The following CD248 variants were observed in gnomAD, a reference collection of about 807,000 sequenced individuals.
The protein encoded by CD248 is endosialin.
A neutral mutation model predicts 8.0 loss-of-function variants in CD248; 7 were observed. The ratio of observed to expected loss-of-function variants is 0.88; its 90% CI spans 0.50 to 1.64. CD248 has a LOEUF of 1.64. Among genes scored for constraint, CD248 ranks in the 40% most tolerant of loss-of-function variants. The pLI is 0.00. For missense variants in CD248, 912 were observed against 1,027.2 expected, an observed-to-expected ratio of 0.89 and a Z score of 1.53; for synonymous variants, 418 against 437.1, an observed-to-expected ratio of 0.96 and a Z score of 0.54.
Position 66,316,200 on chromosome 11 carries a change from G to A in CD248, c.828C>T (p.Ala276=), listed in dbSNP as rs909839173. 8 of 1,612,692 alleles carry A rather than the reference G, an allele frequency of 5.0e-6. No individual in the cohort carries two copies. Among genetic ancestry groups the A allele is most frequent in the African/African-American group, 1.3e-5 (1 of 74,938 alleles). The change falls in exon 1 of 1, where the codon GCC becomes GCT. Residue 276 remains alanine (A), a synonymous_variant. Coordinates refer to ENST00000311330, the MANE Select transcript of CD248 (RefSeq NM_020404.3). ...ADGRSCEDPC[A]QAPCEQQCEP... Reference sequence around the variant, plus strand: ...CACACTGCTGCTCGCACGGAGCCTGGGCACAGGGGTCCTCGCAACTGCGCC... The same window carrying A: ...CACACTGCTGCTCGCACGGAGCCTGAGCACAGGGGTCCTCGCAACTGCGCC...
Position 66,316,527 on chromosome 11 carries a change from C to T in CD248, c.501G>A (p.Leu167=). ...GGCCGGCCTGGCCCGCCTCATCTTG[C>T]AGCGCCGGGCAGGCGCCCTCGAAGC... The part of the protein sequence containing the change: ...QFGFEGACPA[L]QDEAGQAGPA... Residue 167 remains leucine, a synonymous_variant, in exon 1 of 1, where the codon CTG becomes CTA. Transcript: ENST00000311330. 6.3e-7 allele frequency: 1 copy of T among 1,598,796 alleles called. No individual in the cohort carries two copies.
chr11:66,316,417 T>C lies in CD248; in HGVS notation c.611A>G (p.Gln204Arg), dbSNP rs1177982397. The change falls in exon 1 of 1, where the codon CAG becomes CGG. Residue 204 changes from glutamine to arginine, a missense_variant. Around this residue, in one of 3 missense-constraint regions of CD248, gnomAD observed 403 missense variants for 446.2 expected, o/e 0.90. Coordinates refer to ENST00000311330, the MANE Select transcript of CD248 (RefSeq NM_020404.3). ...GAGCAGAGAGGCTCCCCTGCCAGCC[T>C]GGCACTGCACAGCGGCCACAGAGCC... ...PFGSVAAVQC[Q>R]AGRGASLLCV... 2.5e-6 allele frequency: 4 copies of C among 1,606,012 alleles called. No homozygotes were observed. The highest frequency in any genetic ancestry group is 1.7e-5 in the Admixed American group (1 of 59,998).
chr11:66,314,738 G>A lies in CD248; in HGVS notation c.*16C>T, dbSNP rs542258863. 6.5e-7 allele frequency: 1 copy of A among 1,535,594 alleles called. No homozygotes were observed. The highest frequency in any genetic ancestry group is 2.5e-5 in the East Asian group (1 of 40,806). On this transcript the variant is annotated 3_prime_UTR_variant, in exon 1 of 1. Coordinates refer to ENST00000311330, the MANE Select transcript of CD248 (RefSeq NM_020404.3). This position sits in a 1 kb window ranked among gnomAD's most constrained non-coding sequence, Gnocchi z 4.0. Reference sequence around the variant, plus strand: ...TGTCCAGCGCCCCATACTCCATGAGGGGGGTCTGCACCCCATCACACGCTG... The same window carrying A: ...TGTCCAGCGCCCCATACTCCATGAGAGGGGTCTGCACCCCATCACACGCTG...
Position 66,314,570 on chromosome 11 carries a change from G to T in CD248, c.*184C>A. On this transcript the variant is annotated 3_prime_UTR_variant, in exon 1 of 1. Coordinates refer to ENST00000311330, the MANE Select transcript of CD248 (RefSeq NM_020404.3). The surrounding 1 kb of genome is among the most constrained non-coding windows in gnomAD (Gnocchi z 4.0). ...GTCTTAAGGGCTTTGGTGTATCCTT[G>T]GTCACGAGCGCTGGGCCAGGAAGCA... The T allele has an allele frequency of 1.7e-6, 1 of 593,650 alleles. No homozygotes were observed. Among genetic ancestry groups the T allele is most frequent in the Non-Finnish European group, 3.0e-6 (1 of 336,286 alleles). The allele number at this position is 593,650 out of a possible 1,614,324, so 36.8% of individuals were successfully genotyped here. A position where few individuals can be genotyped will look rare whatever the true frequency, so the allele number is the denominator to read the frequency against.
At position 66,314,759 on chromosome 11, in the gene CD248, C is replaced by T. The variant is rs750296065; in HGVS notation, c.2269G>A (p.Val757Met). The change falls in exon 1 of 1, where the codon GTG (valine) becomes ATG (methionine). Residue 757 changes from valine to methionine, a missense_variant. By Grantham distance (21) the Val-to-Met change is conservative. Transcript: ENST00000311330. This position sits in a 1 kb window ranked among gnomAD's most constrained non-coding sequence, Gnocchi z 4.0. ...LTGVQTCRTS[V>M] Reference sequence around the variant, plus strand: ...TGAGGGGGGTCTGCACCCCATCACACGCTGGTTCTGCAGGTCTGCACCCCT... The same window carrying T: ...TGAGGGGGGTCTGCACCCCATCACATGCTGGTTCTGCAGGTCTGCACCCCT... 1.6e-5 allele frequency: 25 copies of T among 1,549,196 alleles called. No individual in the cohort carries two copies. Among genetic ancestry groups the T allele is most frequent in the Admixed American group, 5.9e-5 (3 of 51,004 alleles).
At position 66,316,747 on chromosome 11, in the gene CD248, C is replaced by T. The variant is rs199828803; in HGVS notation, c.281G>A (p.Cys94Tyr). The T allele has an allele frequency of 2.2e-4, 353 of 1,601,460 alleles. 1 individual carries two copies. In the Middle Eastern group the frequency reaches 3.0e-3, roughly 14 times the overall value. The change falls in exon 1 of 1, where the codon TGC becomes TAC. Residue 94 changes from cysteine (C) to tyrosine (Y), a missense_variant. Cys to Tyr is a radical substitution (Grantham distance 194). Coordinates refer to ENST00000311330, the MANE Select transcript of CD248 (RefSeq NM_020404.3). ...GCCGCGCAGTGGGCGCTGCAGCTGG[C>T]ATTGCCGGGCCTGCCGCTGCAGCCC... ...WIGLQRQARQ[C>Y]QLQRPLRGFT...
Position 66,315,515 on chromosome 11 carries a change from G to A in CD248, c.1513C>T (p.His505Tyr), listed in dbSNP as rs780148697. ...AYQPGILSVS[H>Y]SAQPPAHQPP... ...TGGTGGGCAGGAGGCTGTGCTGAAT[G>A]AGAGACAGAGAGAATACCGGGTTGG... Residue 505 changes from histidine to tyrosine, a missense_variant, in exon 1 of 1, where the codon CAT (histidine) becomes TAT (tyrosine). Around this residue, in one of 3 missense-constraint regions of CD248, gnomAD observed 507 missense variants for 562.2 expected, o/e 0.90. Coordinates refer to ENST00000311330, the MANE Select transcript of CD248 (RefSeq NM_020404.3). The surrounding 1 kb of genome is among the most constrained non-coding windows in gnomAD (Gnocchi z 4.3). 1 of 1,614,096 alleles carries A rather than the reference G, an allele frequency of 6.2e-7. No homozygotes were observed. Among genetic ancestry groups the A allele is most frequent in the South Asian group, 1.1e-5 (1 of 91,074 alleles).
In CD248 at chr11:66,316,844, G is replaced by A; in HGVS notation, c.184C>T (p.Arg62Trp). Residue 62 changes from arginine (R) to tryptophan (W), a missense_variant, in exon 1 of 1, where the codon CGG (arginine) becomes TGG (tryptophan). By Grantham distance (101) the Arg-to-Trp change is moderately radical (BLOSUM62 -3). Transcript: ENST00000311330. The stretch of plus-strand genomic sequence containing the variant: ...ACACGCTGGGCCTCCTCGGGGGTCC[G>A]AGGAGTGGCCAGGTCGCCCCCCAGC... ...RELGGDLATP[R>W]TPEEAQRVDS... The A allele has an allele frequency of 3.2e-6, 5 of 1,559,614 alleles. No homozygotes were observed. The highest frequency in any genetic ancestry group is 4.3e-6 in the Non-Finnish European group (5 of 1,159,870).
At position 66,316,175 on chromosome 11, in the gene CD248, C is replaced by T; in HGVS notation, c.853G>A (p.Glu285Lys). ...CAQAPCEQQCEPGGPQGYSCH... is the reference protein window; with the variant it reads ...CAQAPCEQQCKPGGPQGYSCH... ...CTGTAGCCTTGTGGCCCACCGGGCT[C>T]ACACTGCTGCTCGCACGGAGCCTGG... The change falls in exon 1 of 1, where the codon GAG (glutamate) becomes AAG (lysine). Residue 285 changes from glutamate (E) to lysine (K), a missense_variant. Physicochemically the swap from Glu to Lys is moderately conservative, Grantham distance 56. Transcript: ENST00000311330. The T allele has an allele frequency of 6.2e-7, 1 of 1,612,516 alleles. No homozygotes were observed. The highest frequency in any genetic ancestry group is 8.5e-7 in the Non-Finnish European group (1 of 1,179,982).
In CD248 at chr11:66,315,520, A is replaced by G. The variant is rs1854535492; in HGVS notation, c.1508T>C (p.Val503Ala). Residue 503 changes from valine (V) to alanine (A), a missense_variant, in exon 1 of 1, where the codon GTC (valine) becomes GCC (alanine). This residue lies in a region of CD248 where 507 missense variants were observed against 562.2 expected (regional missense o/e 0.90). Coordinates refer to ENST00000311330, the MANE Select transcript of CD248 (RefSeq NM_020404.3). The surrounding 1 kb of genome is among the most constrained non-coding windows in gnomAD (Gnocchi z 4.3). ...PSAYQPGILS[V>A]SHSAQPPAHQ... Reference sequence around the variant, plus strand: ...GGCAGGAGGCTGTGCTGAATGAGAGACAGAGAGAATACCGGGTTGGTAGGC... The same window carrying G: ...GGCAGGAGGCTGTGCTGAATGAGAGGCAGAGAGAATACCGGGTTGGTAGGC... The G allele has an allele frequency of 1.9e-6, 3 of 1,613,718 alleles. No individual in the cohort carries two copies. Among genetic ancestry groups the G allele is most frequent in the Non-Finnish European group, 2.5e-6 (3 of 1,179,922 alleles).
In CD248 at chr11:66,315,746, T is replaced by G. The variant is rs1590909513; in HGVS notation, c.1282A>C (p.Thr428Pro). The G allele has an allele frequency of 6.2e-7, 1 of 1,610,644 alleles. No homozygotes were observed. Among genetic ancestry groups the G allele is most frequent in the Non-Finnish European group, 8.5e-7 (1 of 1,177,656 alleles). The change falls in exon 1 of 1, where the codon ACC (threonine) becomes CCC (proline). Residue 428 changes from threonine (T) to proline (P), a missense_variant. Transcript: ENST00000311330. This position sits in a 1 kb window ranked among gnomAD's most constrained non-coding sequence, Gnocchi z 4.3. ...REPQIPYPEP[T>P]WPPPLSAPRV... ...GGGGCACTGAGCGGGGGTGGCCAGG[T>G]GGGCTCCGGGTAGGGTATCTGTGGC...
At position 66,316,256 on chromosome 11, in the gene CD248, A is replaced by C. The variant is rs1854547079; in HGVS notation, c.772T>G (p.Cys258Gly). The C allele has an allele frequency of 1.2e-6, 2 of 1,613,460 alleles. No homozygotes were observed. Among genetic ancestry groups the C allele is most frequent in the Non-Finnish European group, 1.7e-6 (2 of 1,179,948 alleles). The change falls in exon 1 of 1, where the codon TGC (cysteine) becomes GGC (glycine). Residue 258 changes from cysteine to glycine, a missense_variant. Physicochemically the swap from Cys to Gly is radical, Grantham distance 159 (BLOSUM62 -3). Transcript: ENST00000311330. ...EEVDGHVSCR[C>G]TEGFRLAADG... is the part of the protein sequence containing the mutation. ...GCTGCCAGCCGGAAGCCCTCAGTGCAGCGGCAGGACACGTGACCATCCACC... is the reference window on the plus strand; with the variant it reads ...GCTGCCAGCCGGAAGCCCTCAGTGCCGCGGCAGGACACGTGACCATCCACC...
In CD248 at chr11:66,315,615, G is replaced by A; in HGVS notation, c.1413C>T (p.Ala471=). The change falls in exon 1 of 1, where the codon GCC becomes GCT. Residue 471 remains alanine, a synonymous_variant. Transcript: ENST00000311330. The surrounding 1 kb of genome is among the most constrained non-coding windows in gnomAD (Gnocchi z 4.3). The part of the protein sequence containing the change: ...PSAHQPPVIP[A]THPALSRDHQ... ...GGTCACGGGACAAAGCTGGGTGTGTGGCAGGGATCACAGGAGGCTGGTGGG... is the reference window on the plus strand; with the variant it reads ...GGTCACGGGACAAAGCTGGGTGTGTAGCAGGGATCACAGGAGGCTGGTGGG... 1 of 1,614,068 alleles carries A rather than the reference G, an allele frequency of 6.2e-7. No homozygotes were observed. The highest frequency in any genetic ancestry group is 1.1e-5 in the South Asian group (1 of 91,080).
chr11:66,315,319 G>A lies in CD248; in HGVS notation c.1709C>T (p.Pro570Leu). The part of the protein sequence containing the change: ...TLGAQLPPQA[P>L]DALVLRTQAT... ...CTGGGTTCTGAGGACAAGGGCATCT[G>A]GGGCTTGAGGGGGTAGCTGGGCACC... Residue 570 changes from proline (P) to leucine (L), a missense_variant, in exon 1 of 1, where the codon CCA (proline) becomes CTA (leucine). Physicochemically the swap from Pro to Leu is moderately conservative, Grantham distance 98. Coordinates refer to ENST00000311330, the MANE Select transcript of CD248 (RefSeq NM_020404.3). The surrounding 1 kb of genome is among the most constrained non-coding windows in gnomAD (Gnocchi z 4.3). The A allele has an allele frequency of 3.2e-6, 5 of 1,567,050 alleles. No individual in the cohort carries two copies. Among genetic ancestry groups the A allele is most frequent in the Non-Finnish European group, 4.3e-6 (5 of 1,154,354 alleles).
Position 66,316,930 on chromosome 11 carries a change from C to A in CD248, c.98G>T (p.Ser33Ile). The A allele has an allele frequency of 6.4e-7, 1 of 1,554,560 alleles. No homozygotes were observed. Among genetic ancestry groups the A allele is most frequent in the Non-Finnish European group, 8.6e-7 (1 of 1,161,246 alleles). Residue 33 changes from serine (S) to isoleucine (I), a missense_variant, in exon 1 of 1, where the codon AGC becomes ATC. By Grantham distance (142) the Ser-to-Ile change is moderately radical. Around this residue, in one of 3 missense-constraint regions of CD248, gnomAD observed 403 missense variants for 446.2 expected, o/e 0.90. Coordinates refer to ENST00000311330, the MANE Select transcript of CD248 (RefSeq NM_020404.3). ...GCGCCGTGGGAAGAGAGCGTAGCAG[C>A]TGCTGGGGCCGCAGGCGGCACGGGG... ...AEPRAACGPS[S>I]CYALFPRRRT... is the part of the protein sequence containing the mutation.
At position 66,315,741 on chromosome 11, in the gene CD248, C is replaced by T; in HGVS notation, c.1287G>A (p.Trp429Ter). The T allele has an allele frequency of 6.2e-7, 1 of 1,610,294 alleles. No homozygotes were observed. ...CCCTGGGGGCACTGAGCGGGGGTGG[C>T]CAGGTGGGCTCCGGGTAGGGTATCT... is the stretch of plus-strand genomic sequence containing the variant. ...EPQIPYPEPTWPPPLSAPRVP... is the reference protein window; with the variant it reads ...EPQIPYPEPT The change falls in exon 1 of 1, where the codon TGG becomes TGA. Residue 429 changes from tryptophan (W) to a stop codon, truncating the protein, a stop_gained. Coordinates refer to ENST00000311330, the MANE Select transcript of CD248 (RefSeq NM_020404.3). LOFTEE classifies it low-confidence loss of function (END_TRUNC). The surrounding 1 kb of genome is among the most constrained non-coding windows in gnomAD (Gnocchi z 4.3).
At position 66,315,660 on chromosome 11, in the gene CD248, C is replaced by T. The variant is rs147196655; in HGVS notation, c.1368G>A (p.Thr456=). 5.6e-6 allele frequency: 9 copies of T among 1,613,626 alleles called. No individual in the cohort carries two copies. Among genetic ancestry groups the T allele is most frequent in the East Asian group, 2.2e-5 (1 of 44,862 alleles). ...SVTRPVVVSA[T]HPTLPSAHQP... ...GGTGGGCAGAAGGCAGTGTGGGATG[C>T]GTGGCAGAGACCACCACAGGCCGGG... Residue 456 remains threonine, a synonymous_variant, in exon 1 of 1, where the codon ACG becomes ACA. Transcript: ENST00000311330. This position sits in a 1 kb window ranked among gnomAD's most constrained non-coding sequence, Gnocchi z 4.3.
chr11:66,314,934 A>G lies in CD248; in HGVS notation c.2094T>C (p.Phe698=), dbSNP rs753806338. ...TGCCCAGTGCAAGCAGGACCACCAA[A>G]AAGACACACGTTGGCACCAGGAGTG... The part of the protein sequence containing the change: ...LVALLVPTCV[F]LVVLLALGIV... Residue 698 remains phenylalanine (F), a synonymous_variant, in exon 1 of 1, where the codon TTT becomes TTC. Transcript: ENST00000311330. This position sits in a 1 kb window ranked among gnomAD's most constrained non-coding sequence, Gnocchi z 4.0. 2 of 1,613,302 alleles carry G rather than the reference A, an allele frequency of 1.2e-6. No homozygotes were observed. Among genetic ancestry groups the G allele is most frequent in the African/African-American group, 2.7e-5 (2 of 74,910 alleles).
Position 66,316,862 on chromosome 11 carries a change from C to G in CD248, c.166G>C (p.Gly56Arg). ...EAWRACRELG[G>R]DLATPRTPEE... is the part of the protein sequence containing the mutation. Reference sequence around the variant, plus strand: ...GGGGTCCGAGGAGTGGCCAGGTCGCCCCCCAGCTCGCGGCAGGCCCGCCAG... The same window carrying G: ...GGGGTCCGAGGAGTGGCCAGGTCGCGCCCCAGCTCGCGGCAGGCCCGCCAG... Residue 56 changes from glycine to arginine, a missense_variant, in exon 1 of 1, where the codon GGC becomes CGC. Gly to Arg is a moderately radical substitution (Grantham distance 125, BLOSUM62 -2). Transcript: ENST00000311330. The G allele has an allele frequency of 1.3e-6, 2 of 1,548,806 alleles. No individual in the cohort carries two copies. The highest frequency in any genetic ancestry group is 1.7e-6 in the Non-Finnish European group (2 of 1,155,200).
Sources: allele counts gnomAD v4.1 joint callset, GRCh38; gene constraint gnomAD v4.1.1; regional missense constraint gnomAD v4.1.1; non-coding constraint Gnocchi (gnomAD v3.1); transcripts MANE v1.5; gene names NCBI Gene and HGNC (gene_info 2026-07-23, HGNC 2026-07-21).